FUT8: variants seen among roughly 807,000 people sequenced by gnomAD.
FUT8 encodes alpha-(1,6)-fucosyltransferase.
Under a neutral mutation model 71.3 loss-of-function variants are expected in FUT8, and 29 were observed. That is an observed-to-expected ratio of 0.41 (90% CI 0.30 to 0.55). The LOEUF is 0.55. FUT8 is among the 20% of genes least tolerant of loss of function. The pLI, the probability that FUT8 is intolerant of heterozygous loss-of-function variation, is 0.34. For synonymous variants in FUT8, 254 were observed against 239.3 expected, an observed-to-expected ratio of 1.06 and a Z score of -0.57; for missense variants, 544 against 702.1, an observed-to-expected ratio of 0.77 and a Z score of 2.55.
intron 10 of FUT8, among the ~76,000 whole-genome samples, chr14:65,740,260 C>CA (rs1194882461): frequency 6.6e-6 from 1 of 151,980 alleles, no homozygotes; most frequent in Non-Finnish European, 1.5e-5. Flanking sequence ...GAAATTCTAT[C>CA]ACTAAAATTT....
intron 2 of FUT8, among the ~76,000 whole-genome samples, chr14:65,539,328 G>A (rs1159831267): frequency 6.6e-6 from 1 of 152,176 alleles, no homozygotes; most frequent in Admixed American, 6.5e-5. Context: ...CCCTTGGTCA[G>A]CCATACCGTG....
At chr14:65,370,505 G>A in the FUT8 span, among the ~76,000 whole-genome samples, 1 of 151,338 alleles carries the variant, frequency 6.6e-6, no homozygotes, top group South Asian at 2.1e-4. Context: ...ATTGCGCCCG[G>A]CCACACGTAG....
chr14:65,610,439 G>A (rs1250150674), intron 3 of FUT8, among the ~76,000 whole-genome samples: 1 of 150,116 alleles, frequency 6.7e-6, no homozygotes, highest in Non-Finnish European at 1.5e-5. Context: ...GCCCTGGCTG[G>A]AGTGCAATGG....
intron 3 of FUT8, among the ~76,000 whole-genome samples, chr14:65,591,251 C>G (rs948065288): frequency 6.6e-6 from 1 of 152,044 alleles, no homozygotes; most frequent in African/African-American, 2.4e-5. Flanking sequence ...TATTAATGGT[C>G]TATATGGGTT....
At chr14:65,570,371 C>T (rs1886404348) in intron 3 of FUT8, among the ~76,000 whole-genome samples, 1 of 151,678 alleles carries the variant, frequency 6.6e-6, no homozygotes, top group Non-Finnish European at 1.5e-5. Context: ...ACTTCCACAG[C>T]TCTCTAATGC....
intron 7 of FUT8, among the ~76,000 whole-genome samples, chr14:65,709,839 C>CACTT (rs765154442): frequency 3.9e-5 from 6 of 152,286 alleles, no homozygotes. Flanking sequence ...ATACTCAAGG[C>CACTT]ACTTCTCTTC....
At chr14:65,508,605 A>T (rs995383809) in intron 2 of FUT8, among the ~76,000 whole-genome samples, 1 of 148,118 alleles carries the variant, frequency 6.8e-6, no homozygotes, top group African/African-American at 2.5e-5. Context: ...GGTTCAAGCA[A>T]TTCTGTTGCC....
chr14:65,444,955 C>T (rs1214094269), intron 1 of FUT8, among the ~76,000 whole-genome samples: 1 of 151,984 alleles, frequency 6.6e-6, no homozygotes, highest in Non-Finnish European at 1.5e-5. Flanking sequence ...CCTGTAATCC[C>T]AGCACTTTGA....
Position 65,652,782 on chromosome 14 carries a change from A to C in FUT8, c.598-16461A>C, listed in dbSNP as rs8011482. 7.1e-3 allele frequency among the ~76,000 whole-genome samples: 1,086 copies of C among 152,120 alleles called. 12 individuals carry two copies. The highest frequency in any genetic ancestry group is 0.025 in the African/African-American group (1,031 of 41,494). On this transcript the variant is annotated intron_variant, in intron 6 of 10. Transcript: ENST00000673929. This position sits in a 1 kb window ranked among gnomAD's most constrained non-coding sequence, Gnocchi z 4.0. ...TGAAACTTCTACTAAACCTACCTATACTCCAGCTGTCCCTGTTAACAGGAC... is the reference window on the plus strand; with the variant it reads ...TGAAACTTCTACTAAACCTACCTATCCTCCAGCTGTCCCTGTTAACAGGAC...
intron 3 of FUT8, among the ~76,000 whole-genome samples, chr14:65,571,566 A>C (rs1422141466): frequency 1.3e-5 from 2 of 152,144 alleles, no homozygotes; most frequent in African/African-American, 4.8e-5. Context: ...CTATGAATAC[A>C]GCAATTGGTT....
chr14:65,492,669 C>T (rs1001698097), intron 2 of FUT8, among the ~76,000 whole-genome samples: 4 of 151,902 alleles, frequency 2.6e-5, no homozygotes, highest in African/African-American at 9.7e-5. Flanking sequence ...TTATCAAGTA[C>T]CTAATATGTC....
chr14:65,412,489 C>A (rs1392467793), upstream of FUT8: 4 of 373,418 alleles, frequency 1.1e-5, no homozygotes, highest in Non-Finnish European at 1.6e-5. Flanking sequence ...TAGAGGGCGG[C>A]CTACGCCTGT....
At chr14:65,521,933 T>C (rs959884433) in intron 2 of FUT8, among the ~76,000 whole-genome samples, 4 of 152,068 alleles carry the variant, frequency 2.6e-5, no homozygotes, top group Admixed American at 6.5e-5. Flanking sequence ...TTAGAGATCA[T>C]TTAGATAACT....
intron 6 of FUT8, among the ~76,000 whole-genome samples, chr14:65,651,262 G>A (rs1369838970): frequency 1.3e-5 from 2 of 152,208 alleles, no homozygotes; most frequent in African/African-American, 4.8e-5. Flanking sequence ...AAACTGATTA[G>A]AATCAATACA....
At chr14:65,621,250 T>G (rs1314478683) in intron 5 of FUT8, among the ~76,000 whole-genome samples, 2 of 152,130 alleles carry the variant, frequency 1.3e-5, no homozygotes, top group Non-Finnish European at 2.9e-5. Flanking sequence ...TTCCTGTTTT[T>G]TTTTTTGTTT....
intron 9 of FUT8, among the ~76,000 whole-genome samples, chr14:65,729,261 TC>T (rs1278610603): frequency 6.6e-6 from 1 of 151,484 alleles, no homozygotes; most frequent in Non-Finnish European, 1.5e-5. Flanking sequence ...CAAGCAGTCC[TC>T]CTGCCTTGTC....
At chr14:65,461,361 GATT>G (rs1252488091) in intron 2 of FUT8, among the ~76,000 whole-genome samples, 1 of 152,102 alleles carries the variant, frequency 6.6e-6, no homozygotes, top group Non-Finnish European at 1.5e-5. Flanking sequence ...ATATCAACTT[GATT>G]ATATCTGCAT....
At chr14:65,587,811 T>C (rs1162987433) in intron 3 of FUT8, among the ~76,000 whole-genome samples, 1 of 152,232 alleles carries the variant, frequency 6.6e-6, no homozygotes, top group African/African-American at 2.4e-5. Flanking sequence ...GTAGTCAGTC[T>C]GAATTAATGA....
rs550755000 is a variant in FUT8, at chr14:65,503,451, A to G, written c.-228+47733A>G. Among the ~76,000 whole-genome samples, 122 of 152,336 alleles carry G rather than the reference A, an allele frequency of 8.0e-4. No individual in the cohort carries two copies. In the South Asian group the frequency reaches 0.015, roughly 19 times the overall value. On this transcript the variant is annotated intron_variant, in intron 2 of 10. Coordinates refer to ENST00000673929, the MANE Select transcript of FUT8 (RefSeq NM_001371533.1). ...ATTTCTCTGCTTTTGACAGTTTCAT[A>G]TACTTAAACTTGTCATTAAAACACA...
Sources: gnomAD v4.1 joint callset for allele counts (sites outside exome capture counted in the v4.1 genomes callset) on GRCh38, gnomAD v4.1.1 for gene constraint, Gnocchi (gnomAD v3.1) non-coding constraint, MANE v1.5 for transcripts, NCBI Gene and HGNC (gene_info 2026-07-23, HGNC 2026-07-21) for gene names.